The following TRHDE variants were observed in gnomAD, a reference collection of about 807,000 sequenced individuals.
The protein encoded by TRHDE is thyrotropin-releasing hormone-degrading ectoenzyme.
TRHDE carries 72 observed loss-of-function variants against 125.7 expected under a neutral mutation model. The ratio of observed to expected loss-of-function variants is 0.57; its 90% CI spans 0.47 to 0.70. The LOEUF (loss-of-function observed/expected upper bound fraction) is 0.70. Among genes scored for constraint, TRHDE ranks in the 30% least tolerant of loss-of-function variants. The pLI is 0.00. For synonymous variants in TRHDE, 509 were observed against 509.1 expected, an observed-to-expected ratio of 1.00 and a Z score of 0.00; for missense variants, 1,110 against 1,327.1, an observed-to-expected ratio of 0.84 and a Z score of 2.54.
rs145453576 is a variant in TRHDE at position 72,118,787 on chromosome 12, T to C, written n.279+13035T>C. On this transcript the variant is annotated intron_variant and non_coding_transcript_variant, in intron 2 of 4. Coordinates refer to the TRHDE transcript ENST00000548156. Reference sequence around the variant, plus strand: ...CATGGTTCAGTTTCAGTAGGTTGTATGTGTCTAGAAATCCATTTCTTCTAG... The same window carrying C: ...CATGGTTCAGTTTCAGTAGGTTGTACGTGTCTAGAAATCCATTTCTTCTAG... Among the ~76,000 whole-genome samples the C allele has an allele frequency of 2.0e-3, 302 of 152,322 alleles. 2 individuals are homozygous for C. The highest frequency in any genetic ancestry group is 6.8e-3 in the African/African-American group (283 of 41,580).
Position 72,152,671 on chromosome 12 carries a change from T to C in TRHDE, n.279+46919T>C, listed in dbSNP as rs144023777. ...GAGATAATCACGTGTTTTTTGTCGT[T>C]GGTTCTGTTTATACGCTGGATTACG... On this transcript the variant is annotated intron_variant and non_coding_transcript_variant, in intron 2 of 4. Coordinates refer to the TRHDE transcript ENST00000548156. Among the ~76,000 whole-genome samples, 845 of 152,364 alleles carry C rather than the reference T, an allele frequency of 5.5e-3. 5 individuals carry two copies. The highest frequency in any genetic ancestry group is 8.8e-3 in the Non-Finnish European group (598 of 68,036).
At chr12:72,496,711 T>C (rs975067787) in intron 5 of TRHDE, among the ~76,000 whole-genome samples, 4 of 152,150 alleles carry the variant, frequency 2.6e-5, no homozygotes, top group Admixed American at 1.3e-4. Flanking sequence ...AAATATTCTG[T>C]TTTATCTCTT....
At position 72,670,072 on chromosome 12, in the gene TRHDE, G is replaced by T. The variant is rs1463186456; in HGVS notation, c.*6877G>T. On this transcript the variant is annotated 3_prime_UTR_variant, in exon 19 of 19. Transcript: ENST00000261180. ...AAAATATTATGAACTATTTTGAGTG[G>T]ACCTAAATTTATTCAGTAATAAAGT... 6.6e-6 allele frequency: 1 copy of T among 151,614 alleles called. No individual in the cohort carries two copies. The highest frequency in any genetic ancestry group is 6.6e-5 in the Admixed American group (1 of 15,146). 9.4% of individuals were successfully genotyped at this position (151,614 alleles called of 1,614,324 possible).
intron 7 of TRHDE, among the ~76,000 whole-genome samples, chr12:72,559,666 CATA>C (rs1302029034): frequency 6.6e-6 from 1 of 152,114 alleles, no homozygotes; most frequent in African/African-American, 2.4e-5. Context: ...TATTTTATAT[CATA>C]ATGTCAAATC....
chr12:72,393,903 G>T lies in TRHDE; in HGVS notation c.1315+15782G>T, dbSNP rs142855539. 2.4e-3 allele frequency among the ~76,000 whole-genome samples: 369 copies of T among 152,226 alleles called. 1 individual carries two copies. The highest frequency in any genetic ancestry group is 8.5e-3 in the African/African-American group (354 of 41,542). On this transcript the variant is annotated intron_variant, in intron 3 of 18. Transcript: ENST00000261180. ...CTTTCAAAAATATAGTGGACTCATG[G>T]TTAATATATCAATCCAACTCTCATG...
chr12:72,569,568 C>T (rs375664241), intron 10 of TRHDE, among the ~76,000 whole-genome samples: 1 of 152,186 alleles, frequency 6.6e-6, no homozygotes, highest in South Asian at 2.1e-4. Flanking sequence ...TTTACATGCT[C>T]AAAATACATA....
At chr12:72,653,197 C>T (rs757166446) in intron 17 of TRHDE, 41 bp downstream of exon 17, 49 of 1,559,292 alleles carry the variant, frequency 3.1e-5, no homozygotes, top group East Asian at 4.6e-5. Context: ...AAATTAAAGC[C>T]GACATAGGAG....
At chr12:72,144,076 G>A (rs1051192925) in intron 2 of TRHDE, among the ~76,000 whole-genome samples, 5 of 152,312 alleles carry the variant, frequency 3.3e-5, no homozygotes, top group East Asian at 1.9e-4. Context: ...AATTTTACTA[G>A]CAACTGTTCA....
At position 72,603,461 on chromosome 12, in the gene TRHDE, C is replaced by T. The variant is rs573384124; in HGVS notation, c.2322-15430C>T. 2.3e-3 allele frequency among the ~76,000 whole-genome samples: 347 copies of T among 152,192 alleles called. 3 individuals carry two copies. The highest frequency in any genetic ancestry group is 2.7e-3 in the Non-Finnish European group (183 of 68,002). ...TAAGTGTGGGCCGAGCGCGGTGTCTCAAGCCTGTAATCCCAGCACTTTGGG... is the reference window on the plus strand; with the variant it reads ...TAAGTGTGGGCCGAGCGCGGTGTCTTAAGCCTGTAATCCCAGCACTTTGGG... On this transcript the variant is annotated intron_variant, in intron 12 of 18. Coordinates refer to ENST00000261180, the MANE Select transcript of TRHDE (RefSeq NM_013381.3).
At chr12:72,125,395 T>C (rs1470135969) in intron 2 of TRHDE, among the ~76,000 whole-genome samples, 1 of 152,128 alleles carries the variant, frequency 6.6e-6, no homozygotes, top group African/African-American at 2.4e-5. Context: ...GCTTACCTAT[T>C]AAAAAAACTG....
intron 3 of TRHDE, among the ~76,000 whole-genome samples, chr12:72,441,041 A>G (rs1874985140): frequency 6.6e-6 from 1 of 151,882 alleles, no homozygotes; most frequent in African/African-American, 2.4e-5. Flanking sequence ...TAATCAGGAT[A>G]AATTAAGGGG....
In TRHDE at chr12:72,669,044, A is replaced by G. The variant is rs868579129; in HGVS notation, c.*5849A>G. 9 of 151,906 alleles carry G rather than the reference A, an allele frequency of 5.9e-5. No individual in the cohort carries two copies. The highest frequency in any genetic ancestry group is 3.4e-3 in the Middle Eastern group (1 of 294). The allele number at this position is 151,906 out of a possible 1,614,324, so 9.4% of individuals were successfully genotyped here. ...ACGTTCCATAAAAAGTTTTCATGAA[A>G]ACATTTTACATTAGCATGTTGTGTA... On this transcript the variant is annotated 3_prime_UTR_variant, in exon 19 of 19. Transcript: ENST00000261180.
At chr12:72,573,195 C>A (rs1353203724) in intron 10 of TRHDE, among the ~76,000 whole-genome samples, 1 of 151,830 alleles carries the variant, frequency 6.6e-6, no homozygotes, top group Non-Finnish European at 1.5e-5. Flanking sequence ...TTTCAATTTT[C>A]ATTCACCGAA....
intron 3 of TRHDE, among the ~76,000 whole-genome samples, chr12:72,426,803 A>G (rs556463245): frequency 6.6e-6 from 1 of 152,136 alleles, no homozygotes; most frequent in Admixed American, 6.6e-5. Context: ...AAGAGGTAAA[A>G]AACATCCTTT....
intron 2 of TRHDE, among the ~76,000 whole-genome samples, chr12:72,145,583 C>A (rs1876208648): frequency 6.6e-6 from 1 of 152,160 alleles, no homozygotes; most frequent in African/African-American, 2.4e-5. Context: ...AGGGCTTAAT[C>A]ACTAAGGGCT....
At chr12:72,163,422 C>T (rs1357705590) in intron 2 of TRHDE, among the ~76,000 whole-genome samples, 1 of 152,184 alleles carries the variant, frequency 6.6e-6, no homozygotes, top group African/African-American at 2.4e-5. Context: ...CAGATTCCTG[C>T]ATATCTCAGG....
At chr12:72,254,731 A>G (rs56262673) in intron 2 of TRHDE, 27,277 of 152,136 alleles carry the variant, frequency 0.18, 2,558 homozygotes, top group Middle Eastern at 0.35. Flanking sequence ...GCCTGATCTC[A>G]AACAAAGACC....
intron 9 of TRHDE, among the ~76,000 whole-genome samples, chr12:72,565,629 C>A (rs1870405457): frequency 6.6e-6 from 1 of 152,156 alleles, no homozygotes; most frequent in East Asian, 1.9e-4. Flanking sequence ...CACAGTCATA[C>A]TTTCCTTCTC....
intron 1 of TRHDE, among the ~76,000 whole-genome samples, chr12:72,103,563 T>C (rs1235856052): frequency 1.3e-5 from 2 of 152,116 alleles, no homozygotes; most frequent in Admixed American, 1.3e-4. Flanking sequence ...TGGTTGCTCT[T>C]AGAGTCATGA....
Sources: allele counts gnomAD v4.1 joint callset (sites outside exome capture counted in the v4.1 genomes callset), GRCh38; gene constraint gnomAD v4.1.1; transcripts MANE v1.5; gene names NCBI Gene and HGNC (gene_info 2026-07-23, HGNC 2026-07-21).